Variants in ITGA9 observed in about 807,000 individuals in gnomAD.
The protein encoded by ITGA9 is integrin subunit alpha 9.
ITGA9 carries 56 observed loss-of-function variants against 127.8 expected under a neutral mutation model. The ratio of observed to expected loss-of-function variants is 0.44; its 90% CI spans 0.35 to 0.55. The LOEUF is 0.55. Ranked by LOEUF, ITGA9 falls within the 20% of genes least tolerant of loss-of-function variation. The probability of loss-of-function intolerance (pLI) is 0.00; values close to 1 mark genes in which losing one functional copy is unlikely to be tolerated. For missense variants in ITGA9, 1,196 were observed against 1,347.1 expected (o/e 0.89, Z 1.76); for synonymous variants, 508 against 514.5 (o/e 0.99, Z 0.17).
chr3:37,666,162 TGAGGGA>T (rs1300547311), intron 17 of ITGA9, among the ~76,000 whole-genome samples: 1 of 152,144 alleles, frequency 6.6e-6, no homozygotes, highest in Non-Finnish European at 1.5e-5. Context: ...GATGGGAATA[TGAGGGA>T]GTTCCCCGGA....
chr3:37,801,865 C>CT (rs2125561606), intron 26 of ITGA9, among the ~76,000 whole-genome samples: 1 of 152,258 alleles, frequency 6.6e-6, no homozygotes, highest in Non-Finnish European at 1.5e-5. Context: ...CCTGTGTGTC[C>CT]ATTTGCCTCA....
intron 16 of ITGA9, among the ~76,000 whole-genome samples, chr3:37,640,602 G>C (rs1362138910): frequency 6.6e-6 from 1 of 152,198 alleles, no homozygotes; most frequent in Non-Finnish European, 1.5e-5. Context: ...CTGACTTACA[G>C]AACTGTGAGA....
At chr3:37,619,652 ATC>A (rs1423728262) in intron 15 of ITGA9, among the ~76,000 whole-genome samples, 1 of 152,162 alleles carries the variant, frequency 6.6e-6, no homozygotes, top group Non-Finnish European at 1.5e-5. Context: ...TAAAGTTACT[ATC>A]TCACAGTTTT....
chr3:37,660,349 G>C lies in ITGA9; in HGVS notation c.1916+6559G>C, dbSNP rs6794651. 7.6e-4 allele frequency among the ~76,000 whole-genome samples: 115 copies of C among 152,276 alleles called. 1 individual carries two copies. The highest frequency in any genetic ancestry group is 2.7e-3 in the African/African-American group (112 of 41,564). ...CTGGAAATGCTGGAAATTTATTTTG[G>C]ATCGTAGAAAAACTTCATGTGGTGG... On this transcript the variant is annotated intron_variant, in intron 17 of 27. Coordinates refer to ENST00000264741, the MANE Select transcript of ITGA9 (RefSeq NM_002207.3).
At position 37,597,105 on chromosome 3, in the gene ITGA9, G is replaced by A. The variant is rs554270444; in HGVS notation, c.1690-32082G>A. On this transcript the variant is annotated intron_variant, in intron 15 of 27. Transcript: ENST00000264741. The surrounding 1 kb of genome is among the most constrained non-coding windows in gnomAD (Gnocchi z 4.6). The stretch of plus-strand genomic sequence containing the variant: ...CAAAGCCTGAAGTAGGGCCAAGTTG[G>A]AAGAGGCGAGGAAGTTTAACTTTAA... Among the ~76,000 whole-genome samples the A allele has an allele frequency of 4.6e-5, 7 of 152,346 alleles. No individual in the cohort carries two copies. The East Asian group carries it at 1.4e-3, about 29-fold the overall frequency.
chr3:37,501,604 G>T lies in ITGA9; in HGVS notation c.613-1574G>T, dbSNP rs1166676202. ...GACAGTGTTCCTCCTCTTTACTCCA[G>T]GTACCCACTGATCTGACTTCCATCA... On this transcript the variant is annotated intron_variant, in intron 5 of 27. Coordinates refer to ENST00000264741, the MANE Select transcript of ITGA9 (RefSeq NM_002207.3). Among the ~76,000 whole-genome samples, 3 of 152,078 alleles carry T rather than the reference G, an allele frequency of 2.0e-5. No individual in the cohort carries two copies. The East Asian group carries it at 5.8e-4, about 29-fold the overall frequency.
At chr3:37,511,432 A>G (rs1249262358) in intron 8 of ITGA9, among the ~76,000 whole-genome samples, 1 of 152,258 alleles carries the variant, frequency 6.6e-6, no homozygotes, top group African/African-American at 2.4e-5. Context: ...CAAAACTGAG[A>G]TAGGAAACTT....
At chr3:37,744,926 C>T (rs182420767) in intron 22 of ITGA9, among the ~76,000 whole-genome samples, 8 of 152,338 alleles carry the variant, frequency 5.3e-5, no homozygotes, top group East Asian at 1.9e-4. Flanking sequence ...CGGCACTGGC[C>T]GGACCCTGTG....
At chr3:37,766,020 G>C (rs1245226860) in intron 23 of ITGA9, among the ~76,000 whole-genome samples, 1 of 152,192 alleles carries the variant, frequency 6.6e-6, no homozygotes, top group Non-Finnish European at 1.5e-5. Context: ...GTTTGCTTAC[G>C]TTCATTCCTT....
chr3:37,796,822 A>G (rs1355135617), intron 26 of ITGA9, among the ~76,000 whole-genome samples: 1 of 152,158 alleles, frequency 6.6e-6, no homozygotes, highest in Non-Finnish European at 1.5e-5. Flanking sequence ...GGTTCAGGTG[A>G]CAGGAATGCA....
chr3:37,576,748 C>T (rs545979831), intron 15 of ITGA9, among the ~76,000 whole-genome samples: 13 of 152,180 alleles, frequency 8.5e-5, no homozygotes, highest in Non-Finnish European at 1.5e-4. Flanking sequence ...GGACTACAGG[C>T]GCACCACCAC....
At chr3:37,528,584 G>T (rs2125584712) in intron 13 of ITGA9, among the ~76,000 whole-genome samples, 1 of 152,276 alleles carries the variant, frequency 6.6e-6, no homozygotes, top group African/African-American at 2.4e-5. Context: ...ATGCAGCCAT[G>T]CATCAGATCC....
At chr3:37,805,654 A>G (rs182831290) in intron 27 of ITGA9, among the ~76,000 whole-genome samples, 2 of 152,212 alleles carry the variant, frequency 1.3e-5, no homozygotes, top group Admixed American at 1.3e-4. Context: ...TAAGCTTTTT[A>G]AAAATTATAT....
In ITGA9 at chr3:37,779,914, C is replaced by G; in HGVS notation, c.2680C>G (p.Pro894Ala). The change falls in exon 25 of 28, where the codon CCA (proline) becomes GCA (alanine). Residue 894 changes from proline (P) to alanine (A), a missense_variant. Transcript: ENST00000264741. ...CTTTTCTTCTCAGGACTGTGAAAAA[C>G]CAGGAATTTCTTGCCTAACAGCACA... ...SGRKVLDCEK[P>A]GISCLTAHCN... 6.2e-7 allele frequency: 1 copy of G among 1,613,964 alleles called. No homozygotes were observed. The highest frequency in any genetic ancestry group is 8.5e-7 in the Non-Finnish European group (1 of 1,179,888).
Position 37,820,527 on chromosome 3 carries a change from CTGTT to C in ITGA9, c.*1541_*1544del, listed in dbSNP as rs1034495328. ...TTACGGCCTTCAGTATCCAAGCTCT[CTGTT>C]TGACAGTAGATATATTGTCAGATGC... is the stretch of plus-strand genomic sequence containing the variant. On this transcript the variant is annotated 3_prime_UTR_variant, in exon 28 of 28. Coordinates refer to ENST00000264741, the MANE Select transcript of ITGA9 (RefSeq NM_002207.3). 6.6e-6 allele frequency: 1 copy of C among 152,260 alleles called. No homozygotes were observed. Among genetic ancestry groups the C allele is most frequent in the Admixed American group, 6.5e-5 (1 of 15,278 alleles). 9.4% of individuals were successfully genotyped at this position (152,260 alleles called of 1,614,324 possible). A position where few individuals can be genotyped will look rare whatever the true frequency, so the allele number is the denominator to read the frequency against.
At chr3:37,639,014 G>A (rs1414333229) in intron 16 of ITGA9, among the ~76,000 whole-genome samples, 1 of 152,162 alleles carries the variant, frequency 6.6e-6, no homozygotes, top group Non-Finnish European at 1.5e-5. Context: ...TAGTGGGATT[G>A]CTGCTAATGC....
intron 16 of ITGA9, among the ~76,000 whole-genome samples, chr3:37,648,074 A>G (rs1319336161): frequency 1.3e-5 from 2 of 150,102 alleles, no homozygotes; most frequent in East Asian, 3.9e-4. Flanking sequence ...TAGTAGTTCT[A>G]TTTTTATTTT....
intron 1 of ITGA9, among the ~76,000 whole-genome samples, chr3:37,465,065 C>A (rs966403962): frequency 6.6e-6 from 1 of 152,232 alleles, no homozygotes; most frequent in African/African-American, 2.4e-5. Flanking sequence ...TGAAAGCAAA[C>A]CTAATGGGTT....
chr3:37,788,301 C>T (rs1697065406), intron 26 of ITGA9, among the ~76,000 whole-genome samples: 2 of 151,854 alleles, frequency 1.3e-5, no homozygotes, highest in Admixed American at 6.6e-5. Context: ...TGTTTTTTGT[C>T]AAAACAGAAA....
Sources: allele counts gnomAD v4.1 joint callset (sites outside exome capture counted in the v4.1 genomes callset), GRCh38; gene constraint gnomAD v4.1.1; non-coding constraint Gnocchi (gnomAD v3.1); transcripts MANE v1.5; gene names NCBI Gene and HGNC (gene_info 2026-07-23, HGNC 2026-07-21).